The following DLG2 variants were observed in gnomAD, a reference collection of about 807,000 sequenced individuals.
DLG2 encodes the protein discs large MAGUK scaffold protein 2.
In DLG2, 45 loss-of-function variants were observed where a neutral mutation model predicts 132.5. The ratio of observed to expected loss-of-function variants is 0.34; its 90% CI spans 0.27 to 0.44. DLG2 has a LOEUF of 0.44. Ranked by LOEUF, DLG2 falls within the 20% of genes least tolerant of loss-of-function variation. The probability of loss-of-function intolerance (pLI) is 1.00; values close to 1 mark genes in which losing one functional copy is unlikely to be tolerated. For missense variants in DLG2, 1,045 were observed against 1,196.9 expected, an observed-to-expected ratio of 0.87 and a Z score of 1.87; for synonymous variants, 424 against 419.6, an observed-to-expected ratio of 1.01 and a Z score of -0.13.
chr11:85,401,261 A>T (rs2088069126), intron 3 of DLG2, among the ~76,000 whole-genome samples: 1 of 152,190 alleles, frequency 6.6e-6, no homozygotes, highest in South Asian at 2.1e-4. Context: ...CAATAGATGC[A>T]GAAAAGGCCT....
At chr11:85,611,545 G>A (rs967274561) in intron 2 of DLG2, among the ~76,000 whole-genome samples, 13 of 152,190 alleles carry the variant, frequency 8.5e-5, no homozygotes, top group African/African-American at 2.4e-4. Flanking sequence ...GGGATACTAC[G>A]GGCAGGTTAT....
intron 17 of DLG2, among the ~76,000 whole-genome samples, chr11:83,792,806 C>A (rs530242726): frequency 6.6e-6 from 1 of 152,204 alleles, no homozygotes; most frequent in Non-Finnish European, 1.5e-5. Context: ...TAATAAATAT[C>A]ATCTAACAGT....
At chr11:84,666,683 T>C (rs891479201) in intron 6 of DLG2, among the ~76,000 whole-genome samples, 5 of 152,198 alleles carry the variant, frequency 3.3e-5, no homozygotes, top group East Asian at 1.9e-4. Context: ...TAAGTATATA[T>C]GTGTATAATT....
chr11:83,731,342 G>A (rs2090972719), intron 18 of DLG2, among the ~76,000 whole-genome samples: 1 of 152,076 alleles, frequency 6.6e-6, no homozygotes, highest in African/African-American at 2.4e-5. Flanking sequence ...CTGTGTCCAT[G>A]TGTTCTTGTT....
At chr11:84,493,615 C>G (rs2099171198) in intron 7 of DLG2, among the ~76,000 whole-genome samples, 1 of 152,064 alleles carries the variant, frequency 6.6e-6, no homozygotes, top group African/African-American at 2.4e-5. Context: ...ACTGGAGTCA[C>G]TCAAACTTGA....
chr11:83,562,909 G>A (rs552327918), intron 19 of DLG2, among the ~76,000 whole-genome samples: 1 of 149,600 alleles, frequency 6.7e-6, no homozygotes, highest in East Asian at 2.0e-4. Context: ...TCCCTAGTAG[G>A]TTGTTCTCTG....
rs2096892024 is a variant in DLG2 at position 83,577,487 on chromosome 11, T to C, written c.1941-35629A>G. 9.4e-5 allele frequency among the ~76,000 whole-genome samples: 12 copies of C among 127,882 alleles called. No homozygotes were observed. In the South Asian group the frequency reaches 2.7e-3, roughly 29 times the overall value. The allele number at this position is 127,882 out of a possible 152,430, so 83.9% of individuals were successfully genotyped here. On this transcript the variant is annotated intron_variant, in intron 19 of 27. Coordinates refer to ENST00000376104, the MANE Select transcript of DLG2 (RefSeq NM_001142699.3). ...TATATATATAAAATAGGATATATTA[T>C]ATATATATATAATAGGATATATTAT...
chr11:84,587,811 C>T (rs1389973999), intron 6 of DLG2, among the ~76,000 whole-genome samples: 1 of 152,104 alleles, frequency 6.6e-6, no homozygotes, highest in East Asian at 1.9e-4. Context: ...TGCTATTTAG[C>T]TCTATTCTTA....
chr11:84,195,523 T>G (rs1170070654), intron 8 of DLG2, among the ~76,000 whole-genome samples: 1 of 152,162 alleles, frequency 6.6e-6, no homozygotes, highest in Non-Finnish European at 1.5e-5. Context: ...GAATTGAGTC[T>G]TTCTGAAAGG....
chr11:84,920,810 CT>C (rs1391248353), intron 6 of DLG2, among the ~76,000 whole-genome samples: 1 of 151,826 alleles, frequency 6.6e-6, no homozygotes, highest in African/African-American at 2.4e-5. Flanking sequence ...CAATAAAATT[CT>C]TTGTTATATT....
intron 19 of DLG2, among the ~76,000 whole-genome samples, chr11:83,580,490 C>T (rs186981233): frequency 3.2e-4 from 48 of 152,196 alleles, no homozygotes; most frequent in African/African-American, 1.1e-3. Flanking sequence ...CTATAAGTTT[C>T]CTTTTCTCTC....
intron 3 of DLG2, among the ~76,000 whole-genome samples, chr11:85,528,687 C>T (rs2074969996): frequency 1.3e-5 from 2 of 152,198 alleles, no homozygotes; most frequent in African/African-American, 4.8e-5. Context: ...AGAGTAGTTA[C>T]ATGAGTATGT....
chr11:84,980,123 C>T (rs1001047718), intron 6 of DLG2, among the ~76,000 whole-genome samples: 1 of 152,108 alleles, frequency 6.6e-6, no homozygotes, highest in African/African-American at 2.4e-5. Context: ...AGCTATAAAG[C>T]ATACCATCGT....
At chr11:84,316,547 G>A (rs772712900) in intron 7 of DLG2, among the ~76,000 whole-genome samples, 5 of 152,244 alleles carry the variant, frequency 3.3e-5, no homozygotes, top group Non-Finnish European at 7.4e-5. Flanking sequence ...TAAAAGGGCT[G>A]CTAAAAGACT....
chr11:84,020,332 G>C (rs1261149842), intron 11 of DLG2, among the ~76,000 whole-genome samples: 1 of 152,134 alleles, frequency 6.6e-6, no homozygotes, highest in Non-Finnish European at 1.5e-5. Context: ...TATAGATATA[G>C]ATGATATGTG....
chr11:84,207,184 C>T (rs1120612), intron 8 of DLG2, among the ~76,000 whole-genome samples: 116,822 of 151,606 alleles, frequency 0.77, 47,236 homozygotes, highest in Middle Eastern at 0.92. Flanking sequence ...CGCTTATGGG[C>T]TGGAAGACTC....
chr11:85,082,160 G>A (rs2067315430), intron 6 of DLG2, among the ~76,000 whole-genome samples: 1 of 152,030 alleles, frequency 6.6e-6, no homozygotes, highest in Non-Finnish European at 1.5e-5. Context: ...TGTCTTTTAT[G>A]AGTTGATACC....
chr11:83,639,761 TA>T lies in DLG2; in HGVS notation c.1826-6437del, dbSNP rs561633828. Among the ~76,000 whole-genome samples, 606 of 141,086 alleles carry T rather than the reference TA, an allele frequency of 4.3e-3. 6 individuals carry two copies. The highest frequency in any genetic ancestry group is 0.014 in the African/African-American group (509 of 37,578). 92.6% of individuals were successfully genotyped at this position (141,086 alleles called of 152,430 possible). ...ACCCTAAAACTTAAAGTATAATAAT[TA>T]AAAAAAAAAGGTACTGGGAGTAAAA... is the stretch of plus-strand genomic sequence containing the variant. On this transcript the variant is annotated intron_variant, in intron 18 of 27. Coordinates refer to ENST00000376104, the MANE Select transcript of DLG2 (RefSeq NM_001142699.3).
chr11:84,103,879 T>G (rs1011205849), intron 9 of DLG2, among the ~76,000 whole-genome samples: 1 of 152,046 alleles, frequency 6.6e-6, no homozygotes, highest in African/African-American at 2.4e-5. Context: ...TTATATATAA[T>G]GTTGTACCGA....
Sources: allele counts gnomAD v4.1 joint callset (sites outside exome capture counted in the v4.1 genomes callset), GRCh38; gene constraint gnomAD v4.1.1; transcripts MANE v1.5; gene names NCBI Gene and HGNC (gene_info 2026-07-23, HGNC 2026-07-21).